ARPC1A: variants seen among roughly 807,000 people sequenced by gnomAD.
The protein encoded by ARPC1A is actin related protein 2/3 complex subunit 1A, also known as actin-related protein 2/3 complex subunit 1A.
A neutral mutation model predicts 46.9 loss-of-function variants in ARPC1A; 8 were observed. The observed-to-expected ratio is 0.17, with a 90% CI of 0.10 to 0.31. ARPC1A has a LOEUF of 0.31. Among genes scored for constraint, ARPC1A ranks in the 10% least tolerant of loss-of-function variants. The pLI is 1.00. For missense variants in ARPC1A, 286 were observed against 483.6 expected (o/e 0.59, Z 3.83); for synonymous variants, 152 against 169.0 (o/e 0.90, Z 0.78).
rs543544486 is a variant in ARPC1A, at chr7:99,344,040, T to C, written c.170-253T>C. ...TGGAAAGAATGGCCCCGTTTAGTTT[T>C]GTAAAGTCTGTAATTATAAAACAGC... On this transcript the variant is annotated intron_variant, in intron 3 of 9. Transcript: ENST00000262942. Among the ~76,000 whole-genome samples the C allele has an allele frequency of 8.5e-5, 13 of 152,364 alleles. No homozygotes were observed. In the South Asian group the frequency reaches 2.7e-3, roughly 32 times the overall value.
In ARPC1A at chr7:99,363,637, T is replaced by A. The variant is rs778936434; in HGVS notation, c.1074+4T>A. The A allele has an allele frequency of 1.8e-5, 29 of 1,601,400 alleles. No individual in the cohort carries two copies. In the South Asian group the frequency reaches 3.1e-4, roughly 17 times the overall value. ...CATGACAATTTGGGATTTCAAGGTA[T>A]TTTCTACCTAACAGAACAAATTTTG... is the stretch of plus-strand genomic sequence containing the variant. On this transcript the variant is annotated splice_donor_region_variant and intron_variant, in intron 9 of 9. Coordinates refer to ENST00000262942, the MANE Select transcript of ARPC1A (RefSeq NM_006409.4).
intron 1 of ARPC1A, among the ~76,000 whole-genome samples, chr7:99,329,029 G>C (rs1026238186): frequency 6.6e-6 from 1 of 151,858 alleles, no homozygotes; most frequent in Non-Finnish European, 1.5e-5. Flanking sequence ...GGCAGGGCGC[G>C]GTGGCTCACG....
At position 99,358,674 on chromosome 7, in the gene ARPC1A, G is replaced by A. The variant is rs186294506; in HGVS notation, c.789+259G>A. 859 of 404,978 alleles carry A rather than the reference G, an allele frequency of 2.1e-3. 4 individuals carry two copies. The highest frequency in any genetic ancestry group is 0.016 in the African/African-American group (781 of 47,584). The allele number at this position is 404,978 out of a possible 1,614,324, so 25.1% of individuals were successfully genotyped here. A position where few individuals can be genotyped will look rare whatever the true frequency, so the allele number is the denominator to read the frequency against. ...TCCCGCCTCAGCCTCTCGAGGAACT[G>A]GGAATATAGGCATGCGCCACCATAC... On this transcript the variant is annotated intron_variant, in intron 7 of 9. Transcript: ENST00000262942.
intron 6 of ARPC1A, among the ~76,000 whole-genome samples, chr7:99,356,704 A>T (rs1357144588): frequency 6.6e-6 from 1 of 151,952 alleles, no homozygotes; most frequent in Non-Finnish European, 1.5e-5. Flanking sequence ...GATCGAGACC[A>T]TCCTGGCTAA....
At position 99,327,520 on chromosome 7, in the gene ARPC1A, A is replaced by G. The variant is rs1048848003; in HGVS notation, c.-30+1516A>G. On this transcript the variant is annotated intron_variant, in intron 1 of 9. Transcript: ENST00000262942. ...TATTTTTTGTAAAGACAGGGTCTCCATATGTGGCCCAAGCTGGTCTGGAGC... is the reference window on the plus strand; with the variant it reads ...TATTTTTTGTAAAGACAGGGTCTCCGTATGTGGCCCAAGCTGGTCTGGAGC... Among the ~76,000 whole-genome samples, 4 of 144,256 alleles carry G rather than the reference A, an allele frequency of 2.8e-5. No homozygotes were observed. The Admixed American group carries it at 2.8e-4, about 10-fold the overall frequency. 94.6% of individuals were successfully genotyped at this position (144,256 alleles called of 152,430 possible).
At position 99,365,946 on chromosome 7, in the gene ARPC1A, G is replaced by T. The variant is rs771197650; in HGVS notation, c.*17G>T. 6.4e-7 allele frequency: 1 copy of T among 1,565,840 alleles called. No homozygotes were observed. Among genetic ancestry groups the T allele is most frequent in the South Asian group, 1.2e-5 (1 of 85,432 alleles). ...ATAATGTGAAGCTGAGTGAGCCTCC[G>T]CCATCCAGCATGACAAACTGTGGCC... On this transcript the variant is annotated 3_prime_UTR_variant, in exon 10 of 10. Coordinates refer to ENST00000262942, the MANE Select transcript of ARPC1A (RefSeq NM_006409.4).
intron 1 of ARPC1A, among the ~76,000 whole-genome samples, chr7:99,331,696 G>A (rs2150857965): frequency 6.6e-6 from 1 of 152,168 alleles, no homozygotes; most frequent in African/African-American, 2.4e-5. Flanking sequence ...AGGAGGGCGG[G>A]TCACTTGAGG....
At chr7:99,332,162 T>C (rs868798169) in intron 1 of ARPC1A, among the ~76,000 whole-genome samples, 12 of 152,180 alleles carry the variant, frequency 7.9e-5, no homozygotes, top group Non-Finnish European at 1.5e-4. Flanking sequence ...GGATTTAGAG[T>C]AAATATGTTT....
chr7:99,328,967 A>G (rs1364820959), intron 1 of ARPC1A, among the ~76,000 whole-genome samples: 2 of 149,726 alleles, frequency 1.3e-5, no homozygotes, highest in Admixed American at 6.7e-5. Flanking sequence ...AAACTCAGAG[A>G]GAGAGAAAAG....
Position 99,344,465 on chromosome 7 carries a change from A to G in ARPC1A, c.342A>G (p.Gly114=). 1 of 1,613,966 alleles carries G rather than the reference A, an allele frequency of 6.2e-7. No homozygotes were observed. The highest frequency in any genetic ancestry group is 8.5e-7 in the Non-Finnish European group (1 of 1,179,866). The change falls in exon 4 of 10, where the codon GGA becomes GGG. Residue 114 remains glycine (G), a synonymous_variant. Coordinates refer to ENST00000262942, the MANE Select transcript of ARPC1A (RefSeq NM_006409.4). Reference sequence around the variant, plus strand: ...CCCTAGAGAACAAATTTGCTGTGGGAAGTGGAGCACGACTCATTTCTGTTT... The same window carrying G: ...CCCTAGAGAACAAATTTGCTGTGGGGAGTGGAGCACGACTCATTTCTGTTT... The part of the protein sequence containing the change: ...WSPLENKFAV[G]SGARLISVCY...
intron 1 of ARPC1A, among the ~76,000 whole-genome samples, chr7:99,327,752 G>A (rs560263208): frequency 2.8e-4 from 42 of 152,268 alleles, no homozygotes; most frequent in Non-Finnish European, 5.7e-4. Context: ...TGATCTAGTT[G>A]TCTCATCCAA....
chr7:99,359,691 T>G lies in ARPC1A; in HGVS notation c.936T>G (p.Thr312=). Residue 312 remains threonine, a synonymous_variant, in exon 8 of 10, where the codon ACT becomes ACG. Coordinates refer to ENST00000262942, the MANE Select transcript of ARPC1A (RefSeq NM_006409.4). ...GCAACATGGACAAGAGAGCCACAACTGAGGACCGCAACACGGCCTTGGAGA... is the reference window on the plus strand; with the variant it reads ...GCAACATGGACAAGAGAGCCACAACGGAGGACCGCAACACGGCCTTGGAGA... ...RFRNMDKRAT[T]EDRNTALETL... The G allele has an allele frequency of 6.2e-7, 1 of 1,614,178 alleles. No homozygotes were observed. The highest frequency in any genetic ancestry group is 8.5e-7 in the Non-Finnish European group (1 of 1,180,050).
intron 6 of ARPC1A, among the ~76,000 whole-genome samples, chr7:99,357,910 G>A (rs931347471): frequency 1.3e-5 from 2 of 152,146 alleles, no homozygotes; most frequent in Non-Finnish European, 1.5e-5. Context: ...TCGGAGCTCC[G>A]GTGAGCACAG....
At chr7:99,351,279 T>C (rs1320223021) in intron 5 of ARPC1A, among the ~76,000 whole-genome samples, 2 of 152,176 alleles carry the variant, frequency 1.3e-5, no homozygotes, top group Non-Finnish European at 2.9e-5. Context: ...AGTGGTGTGA[T>C]CCTGGCTCAC....
At chr7:99,353,777 C>A in intron 5 of ARPC1A, 132 bp from the exon 6 acceptor site, 1 of 912,988 alleles carries the variant, frequency 1.1e-6, no homozygotes, top group Non-Finnish European at 1.6e-6. Context: ...CCGTGCCCAG[C>A]TCATGTTTTA....
rs1793573264 is a variant in ARPC1A, at chr7:99,353,117, TGTTATG to T, written c.501-791_501-786del. Among the ~76,000 whole-genome samples the T allele has an allele frequency of 1.6e-4, 5 of 30,466 alleles. No homozygotes were observed. In the African/African-American group the frequency reaches 2.0e-3, roughly 12 times the overall value. The allele number at this position is 30,466 out of a possible 152,430, so 20.0% of individuals were successfully genotyped here. On this transcript the variant is annotated intron_variant, in intron 5 of 9. Transcript: ENST00000262942. Reference sequence around the variant, plus strand: ...TTTTAGTTTAGTTTAGTTTAGTTTATGTTATGTTATGTTATGTTATGTTATGTTATG... The same window carrying T: ...TTTTAGTTTAGTTTAGTTTAGTTTATTTATGTTATGTTATGTTATGTTATG...
intron 5 of ARPC1A, among the ~76,000 whole-genome samples, chr7:99,351,791 GAGA>G (rs1271692790): frequency 1.3e-5 from 2 of 152,294 alleles, no homozygotes; most frequent in East Asian, 1.9e-4. Context: ...GTTTTTTGGA[GAGA>G]AGAAGGTGTA....
chr7:99,351,656 G>A (rs1306328014), intron 5 of ARPC1A, among the ~76,000 whole-genome samples: 1 of 152,114 alleles, frequency 6.6e-6, no homozygotes, highest in African/African-American at 2.4e-5. Context: ...CTACTGTCTC[G>A]TCATATAACC....
intron 4 of ARPC1A, 101 bp from the exon 5 acceptor site, chr7:99,348,751 A>G: frequency 1.4e-6 from 1 of 700,200 alleles, no homozygotes; most frequent in Non-Finnish European, 2.3e-6. Context: ...AAATTAAGGA[A>G]AAGTGTGGCC....
Sources: gnomAD v4.1 joint callset for allele counts (sites outside exome capture counted in the v4.1 genomes callset) on GRCh38, gnomAD v4.1.1 for gene constraint, MANE v1.5 for transcripts, NCBI Gene and HGNC (gene_info 2026-07-23, HGNC 2026-07-21) for gene names.